Variants in KIF6 observed in about 807,000 individuals in gnomAD.
KIF6 encodes the protein kinesin-like protein KIF6.
KIF6 carries 106 observed loss-of-function variants against 112.7 expected under a neutral mutation model. The observed-to-expected ratio is 0.94, with a 90% confidence interval of 0.80 to 1.11. The LOEUF (loss-of-function observed/expected upper bound fraction) is 1.11, where lower values mean the gene tolerates loss of function less well. Ranked by LOEUF, KIF6 falls within the 50% of genes least tolerant of loss-of-function variation. The pLI, the probability that KIF6 is intolerant of heterozygous loss-of-function variation, is 0.00. For synonymous variants in KIF6, 339 were observed against 339.9 expected (o/e 1.00, Z 0.03); for missense variants, 929 against 964.0 (o/e 0.96, Z 0.48).
intron 6 of KIF6, among the ~76,000 whole-genome samples, chr6:39,604,772 G>A (rs781414837): frequency 6.6e-6 from 1 of 152,092 alleles, no homozygotes; most frequent in African/African-American, 2.4e-5. Flanking sequence ...AATAGGTCTA[G>A]TATGTTTTAT....
intron 19 of KIF6, chr6:39,353,889 T>C: frequency 1.8e-6 from 1 of 567,932 alleles, no homozygotes; most frequent in South Asian, 1.7e-5. Flanking sequence ...TGCCAGTTCC[T>C]ACTGCTAAGT....
At chr6:39,420,534 C>A (rs1411426338) in intron 14 of KIF6, among the ~76,000 whole-genome samples, 2 of 152,216 alleles carry the variant, frequency 1.3e-5, no homozygotes, top group East Asian at 3.8e-4. Context: ...CGCTACAAGA[C>A]AGAGTCGACT....
chr6:39,704,297 C>G (rs757597958), intron 3 of KIF6, among the ~76,000 whole-genome samples: 1 of 152,148 alleles, frequency 6.6e-6, no homozygotes, highest in Non-Finnish European at 1.5e-5. Context: ...GTAGATATTA[C>G]AGTATCATTT....
At chr6:39,494,796 T>C (rs1402158161) in intron 13 of KIF6, among the ~76,000 whole-genome samples, 1 of 151,768 alleles carries the variant, frequency 6.6e-6, no homozygotes, top group African/African-American at 2.4e-5. Context: ...TATGACAAGT[T>C]TTTTTTTTCA....
intron 2 of KIF6, among the ~76,000 whole-genome samples, chr6:39,719,619 T>G (rs1469572955): frequency 1.3e-5 from 2 of 152,116 alleles, no homozygotes; most frequent in East Asian, 3.9e-4. Flanking sequence ...AAAGAGAATG[T>G]GAAATAGCTA....
At chr6:39,653,956 G>A (rs1000721452) in intron 3 of KIF6, among the ~76,000 whole-genome samples, 1 of 152,164 alleles carries the variant, frequency 6.6e-6, no homozygotes, top group Admixed American at 6.5e-5. Context: ...GCAGTTTCCC[G>A]TGTCCTTTTA....
In KIF6 at chr6:39,346,090, C is replaced by CTCT. The variant is rs1562112945; in HGVS notation, c.2232-302_2232-301insAGA. Among the ~76,000 whole-genome samples, 25 of 36,826 alleles carry CTCT rather than the reference C, an allele frequency of 6.8e-4. 1 individual carries two copies. Among genetic ancestry groups the CTCT allele is most frequent in the African/African-American group, 2.5e-3 (13 of 5,288 alleles). The allele number at this position is 36,826 out of a possible 152,430, so 24.2% of individuals were successfully genotyped here. A position where few individuals can be genotyped will look rare whatever the true frequency, so the allele number is the denominator to read the frequency against. On this transcript the variant is annotated intron_variant, in intron 20 of 22. Transcript: ENST00000287152. ...TCTCTCTCTCTCTCTCTCTCTCCCC[C>CTCT]CCCTCTCCCTCCCCCCCTCCCTCTC...
At chr6:39,719,341 A>C (rs1157701278) in intron 2 of KIF6, among the ~76,000 whole-genome samples, 12 of 47,604 alleles carry the variant, frequency 2.5e-4, no homozygotes, top group African/African-American at 6.1e-4. Flanking sequence ...AGAATTTAAA[A>C]AGAAAAAGAG....
chr6:39,718,262 T>C (rs986612724), intron 2 of KIF6, among the ~76,000 whole-genome samples: 1 of 149,274 alleles, frequency 6.7e-6, no homozygotes, highest in Admixed American at 6.7e-5. Flanking sequence ...AAGAATACTT[T>C]GGATAGGGTC....
At chr6:39,429,071 C>T (rs1002717899) in intron 14 of KIF6, among the ~76,000 whole-genome samples, 6 of 152,300 alleles carry the variant, frequency 3.9e-5, no homozygotes, top group South Asian at 2.1e-4. Flanking sequence ...GCTGGACTGC[C>T]GTCCATATAC....
At chr6:39,682,123 T>TATGAATCG (rs1252452198) in intron 3 of KIF6, among the ~76,000 whole-genome samples, 1 of 152,234 alleles carries the variant, frequency 6.6e-6, no homozygotes, top group East Asian at 1.9e-4. Flanking sequence ...GGAACTTATG[T>TATGAATCG]ATGAATCGGG....
intron 3 of KIF6, among the ~76,000 whole-genome samples, chr6:39,653,337 C>G (rs1785583345): frequency 6.6e-6 from 1 of 152,100 alleles, no homozygotes; most frequent in Admixed American, 6.6e-5. Context: ...TATCACCATT[C>G]AGAGAGAAGC....
intron 9 of KIF6, among the ~76,000 whole-genome samples, chr6:39,581,161 CTTTTTTTTTTTT>C (rs60321520): frequency 2.5e-5 from 2 of 78,706 alleles, no homozygotes; most frequent in East Asian, 3.3e-4. Context: ...GCTTTACTTT[CTTTTTTTTTTTT>C]TTTTTTTTTT....
chr6:39,374,324 T>C (rs1422791714), intron 16 of KIF6, among the ~76,000 whole-genome samples: 4 of 152,122 alleles, frequency 2.6e-5, no homozygotes, highest in African/African-American at 9.7e-5. Flanking sequence ...TAGGCAATGA[T>C]TTTCTGGCTG....
At chr6:39,349,191 A>G (rs1393154434) in intron 19 of KIF6, among the ~76,000 whole-genome samples, 1 of 152,170 alleles carries the variant, frequency 6.6e-6, no homozygotes, top group Non-Finnish European at 1.5e-5. Context: ...GAATCATCTT[A>G]AGTTGGAATA....
At chr6:39,522,479 C>G (rs1467456142) in intron 13 of KIF6, among the ~76,000 whole-genome samples, 2 of 152,196 alleles carry the variant, frequency 1.3e-5, no homozygotes, top group Non-Finnish European at 2.9e-5. Flanking sequence ...CAACTCTAGC[C>G]TCAAAATTCC....
chr6:39,385,740 C>G, intron 15 of KIF6, 68 bp from the exon 16 acceptor site: 1 of 797,040 alleles, frequency 1.3e-6, no homozygotes, highest in Admixed American at 2.1e-5. Flanking sequence ...GCCTCAGAAG[C>G]ATGTGGCAAG....
Position 39,544,604 on chromosome 6 carries a change from T to C in KIF6, c.1377A>G (p.Glu459=). 6.2e-7 allele frequency: 1 copy of C among 1,612,564 alleles called. No individual in the cohort carries two copies. Among genetic ancestry groups the C allele is most frequent in the Non-Finnish European group, 8.5e-7 (1 of 1,178,750 alleles). Residue 459 remains glutamate, a synonymous_variant, in exon 12 of 23, where the codon GAA becomes GAG. Coordinates refer to ENST00000287152, the MANE Select transcript of KIF6 (RefSeq NM_145027.6). ...GAATATCTCGTAGCTTTCTATATTC[T>C]TCTTCTTTTAATGGTTCTTGACAAT... The part of the protein sequence containing the change: ...DQDCQEPLKE[E]EYRKLRDILK...
chr6:39,640,632 T>C (rs936252633), intron 3 of KIF6, among the ~76,000 whole-genome samples: 2 of 152,108 alleles, frequency 1.3e-5, no homozygotes, highest in Non-Finnish European at 2.9e-5. Flanking sequence ...ACTGTTCATA[T>C]TAGAATTCCT....
Sources: gnomAD v4.1 joint callset for allele counts (sites outside exome capture counted in the v4.1 genomes callset) on GRCh38, gnomAD v4.1.1 for gene constraint, MANE v1.5 for transcripts, NCBI Gene and HGNC (gene_info 2026-07-23, HGNC 2026-07-21) for gene names.